Variants in PCDHA11 observed in about 807,000 individuals in gnomAD.
PCDHA11 encodes protocadherin alpha 11.
PCDHA11 carries 61 observed loss-of-function variants against 70.3 expected under a neutral mutation model. That is an observed-to-expected ratio of 0.87 (90% confidence interval 0.71 to 1.07). The LOEUF (loss-of-function observed/expected upper bound fraction) is 1.07. Ranked by LOEUF, PCDHA11 falls within the 50% of genes least tolerant of loss-of-function variation. The pLI is 0.00. For missense variants in PCDHA11, 1,324 were observed against 1,237.5 expected, an observed-to-expected ratio of 1.07 and a Z score of -1.05; for synonymous variants, 633 against 555.1, an observed-to-expected ratio of 1.14 and a Z score of -1.97.
chr5:140,983,746 T>A (rs1206745225), intron 3 of PCDHA11, among the ~76,000 whole-genome samples: 2 of 152,228 alleles, frequency 1.3e-5, no homozygotes, highest in East Asian at 3.8e-4. Flanking sequence ...CTTGCAATAA[T>A]CCATTCAAAT....
chr5:140,884,797 T>A, intron 1 of PCDHA11: 1 of 1,276,990 alleles, frequency 7.8e-7, no homozygotes, highest in Non-Finnish European at 1.1e-6. Flanking sequence ...TTATCGAATT[T>A]AACAACTCTG....
chr5:140,876,231 A>C (rs1428769390), intron 1 of PCDHA11: 4 of 1,614,004 alleles, frequency 2.5e-6, no homozygotes, highest in Non-Finnish European at 3.4e-6. Flanking sequence ...TGTTGTCTGA[A>C]AATGTCCAAA....
At chr5:140,927,226 A>T in intron 1 of PCDHA11, 5 of 1,613,996 alleles carry the variant, frequency 3.1e-6, no homozygotes, top group Non-Finnish European at 4.2e-6. Context: ...CAAGATTCGG[A>T]TTCACGTCCT....
intron 1 of PCDHA11, among the ~76,000 whole-genome samples, chr5:140,879,327 A>G (rs2057945221): frequency 6.6e-6 from 1 of 152,232 alleles, no homozygotes; most frequent in South Asian, 2.1e-4. Context: ...TCACTTTTTT[A>G]GTTTGTTCAG....
At chr5:140,876,082 C>A in intron 1 of PCDHA11, 1 of 1,613,932 alleles carries the variant, frequency 6.2e-7, no homozygotes, top group Non-Finnish European at 8.5e-7. Context: ...GGACAGAGAG[C>A]AAACGCCAAA....
intron 1 of PCDHA11, chr5:140,884,030 G>A: frequency 6.2e-7 from 1 of 1,613,438 alleles, no homozygotes; most frequent in Non-Finnish European, 8.5e-7. Flanking sequence ...GGTGGGTGCA[G>A]GCCACGTGGT....
intron 1 of PCDHA11, chr5:140,927,462 A>C (rs782679625): frequency 6.2e-7 from 1 of 1,614,138 alleles, no homozygotes; most frequent in East Asian, 2.2e-5. Flanking sequence ...TGGAGAAAGC[A>C]CTGGATCGCG....
chr5:140,875,485 G>A (rs367652529), intron 1 of PCDHA11: 13 of 1,611,424 alleles, frequency 8.1e-6, no homozygotes, highest in African/African-American at 1.3e-5. Context: ...GGTGATTATC[G>A]GACCAAGAGG....
rs10076265 is a variant in PCDHA11 at position 140,884,506 on chromosome 5, G to A, written c.2391+13012G>A. 61 of 1,614,172 alleles carry A rather than the reference G, an allele frequency of 3.8e-5. No homozygotes were observed. In the South Asian group the frequency reaches 5.9e-4, roughly 16 times the overall value. ...CTCTAGTGTGCTCCAGCGCGGCAGG[G>A]AGTTGGTCGTACTCGCAGCAGAGGC... On this transcript the variant is annotated intron_variant, in intron 1 of 3. Transcript: ENST00000398640.
chr5:140,976,781 T>C (rs1238344428), intron 1 of PCDHA11, among the ~76,000 whole-genome samples: 26 of 152,206 alleles, frequency 1.7e-4, no homozygotes, highest in Admixed American at 1.6e-3. Flanking sequence ...TCTGACTATA[T>C]AGCTACGCTT....
At chr5:141,002,555 A>T (rs1349538713) in intron 3 of PCDHA11, among the ~76,000 whole-genome samples, 1 of 152,222 alleles carries the variant, frequency 6.6e-6, no homozygotes, top group African/African-American at 2.4e-5. Flanking sequence ...CCCAGGATCC[A>T]CCAGTTAGTG....
intron 1 of PCDHA11, among the ~76,000 whole-genome samples, chr5:140,965,098 A>G (rs1554227430): frequency 6.6e-6 from 1 of 152,244 alleles, no homozygotes; most frequent in African/African-American, 2.4e-5. Flanking sequence ...GTCCATAGCT[A>G]GAAAATGACC....
rs781906273 is a variant in PCDHA11, at chr5:140,869,410, A to G, written c.307A>G (p.Ser103Gly). The G allele has an allele frequency of 3.7e-6, 6 of 1,614,082 alleles. No individual in the cohort carries two copies. The East Asian group carries it at 1.1e-4, about 30-fold the overall frequency. The part of the protein sequence containing the change: ...EELCGQSAEC[S>G]IHLEVIVDRP... ...GCTGTGCGGGCAGAGCGCGGAGTGCAGCATCCACCTGGAGGTGATCGTGGA... is the reference window on the plus strand; with the variant it reads ...GCTGTGCGGGCAGAGCGCGGAGTGCGGCATCCACCTGGAGGTGATCGTGGA... Residue 103 changes from serine to glycine, a missense_variant, in exon 1 of 4, where the codon AGC (serine) becomes GGC (glycine). Physicochemically the swap from Ser to Gly is moderately conservative, Grantham distance 56. Transcript: ENST00000398640.
chr5:141,008,286 A>G (rs944894226), intron 3 of PCDHA11, among the ~76,000 whole-genome samples: 1 of 152,248 alleles, frequency 6.6e-6, no homozygotes, highest in Admixed American at 6.5e-5. Flanking sequence ...TTGAAATAGC[A>G]GTTGTACCCA....
chr5:140,884,172 G>T lies in PCDHA11; in HGVS notation c.2391+12678G>T, dbSNP rs142435897. ...TACACTGGCGAGATCAGCACGACGCGCCCTCTGGACGAGGTGGACGCGCCG... is the reference window on the plus strand; with the variant it reads ...TACACTGGCGAGATCAGCACGACGCTCCCTCTGGACGAGGTGGACGCGCCG... On this transcript the variant is annotated intron_variant, in intron 1 of 3. Transcript: ENST00000398640. 84 of 1,613,386 alleles carry T rather than the reference G, an allele frequency of 5.2e-5. No homozygotes were observed. In the African/African-American group the frequency reaches 9.2e-4, roughly 18 times the overall value.
chr5:140,870,604 C>T lies in PCDHA11; in HGVS notation c.1501C>T (p.Arg501Cys), dbSNP rs376574285. ...GCTGGTGGAGCGGCGGTTGGGCGACCGCGCGCTGTCGAGCTACGTGTCGGT... is the reference window on the plus strand; with the variant it reads ...GCTGGTGGAGCGGCGGTTGGGCGACTGCGCGCTGTCGAGCTACGTGTCGGT... ...YSLVERRLGD[R>C]ALSSYVSVHA... is the part of the protein sequence containing the mutation. The change falls in exon 1 of 4, where the codon CGC becomes TGC. Residue 501 changes from arginine (R) to cysteine (C), a missense_variant. By Grantham distance (180) the Arg-to-Cys change is radical (BLOSUM62 -3). Coordinates refer to ENST00000398640, the MANE Select transcript of PCDHA11 (RefSeq NM_018902.5). 3 of 1,613,134 alleles carry T rather than the reference C, an allele frequency of 1.9e-6. No homozygotes were observed. The highest frequency in any genetic ancestry group is 2.7e-5 in the African/African-American group (2 of 74,930).
At position 140,869,083 on chromosome 5, in the gene PCDHA11, T is replaced by C; in HGVS notation, c.-21T>C. The C allele has an allele frequency of 6.3e-7, 1 of 1,582,990 alleles. No homozygotes were observed. The highest frequency in any genetic ancestry group is 8.6e-7 in the Non-Finnish European group (1 of 1,165,002). ...ACTGTAAGTGTAAAGAAGCTTATTT[T>C]GGAAGCCAATTTCGTATGCGATGTT... On this transcript the variant is annotated 5_prime_UTR_variant, in exon 1 of 4. Coordinates refer to ENST00000398640, the MANE Select transcript of PCDHA11 (RefSeq NM_018902.5).
At position 140,976,656 on chromosome 5, in the gene PCDHA11, C is replaced by T. The variant is rs551402825; in HGVS notation, c.2392-2293C>T. ...AATCAGACAAGTAATTTAATCTCTC[C>T]AAAGTTCAGATGTCTCATTTTTGCA... is the stretch of plus-strand genomic sequence containing the variant. On this transcript the variant is annotated intron_variant, in intron 1 of 3. Transcript: ENST00000398640. Among the ~76,000 whole-genome samples the T allele has an allele frequency of 3.3e-5, 5 of 152,272 alleles. No homozygotes were observed. The South Asian group carries it at 1.0e-3, about 32-fold the overall frequency.
chr5:140,919,352 T>G (rs1406850241), intron 1 of PCDHA11, among the ~76,000 whole-genome samples: 1 of 152,222 alleles, frequency 6.6e-6, no homozygotes, highest in Non-Finnish European at 1.5e-5. Flanking sequence ...TCTTTGAATC[T>G]AAAAGTGTCT....
Sources: allele counts gnomAD v4.1 joint callset (sites outside exome capture counted in the v4.1 genomes callset), GRCh38; gene constraint gnomAD v4.1.1; transcripts MANE v1.5; gene names NCBI Gene and HGNC (gene_info 2026-07-23, HGNC 2026-07-21).